The following XKR6 variants were observed in gnomAD, a reference collection of about 807,000 sequenced individuals.
XKR6 encodes XK-related protein 6.
A neutral mutation model predicts 56.7 loss-of-function variants in XKR6; 22 were observed. The observed-to-expected ratio is 0.39, with a 90% CI of 0.28 to 0.55. XKR6 has a LOEUF of 0.55. XKR6 is among the 20% of genes least tolerant of loss of function. XKR6 has a pLI of 0.66. For synonymous variants in XKR6, 524 were observed against 387.8 expected, an observed-to-expected ratio of 1.35 and a Z score of -4.13; for missense variants, 852 against 889.0, an observed-to-expected ratio of 0.96 and a Z score of 0.53.
At chr8:11,137,451 A>G in intron 1 of XKR6, 1 of 413,012 alleles carries the variant, frequency 2.4e-6, no homozygotes, top group Non-Finnish European at 4.8e-6. Context: ...ACAGTCCCTT[A>G]CATCTTCAGC....
chr8:11,058,245 T>C (rs900293576), intron 1 of XKR6, among the ~76,000 whole-genome samples: 2 of 152,126 alleles, frequency 1.3e-5, no homozygotes, highest in Admixed American at 1.3e-4. Context: ...GAAAGGAATG[T>C]AATTGTGGAA....
chr8:10,955,657 G>A (rs984987775), intron 1 of XKR6, among the ~76,000 whole-genome samples: 5 of 152,216 alleles, frequency 3.3e-5, no homozygotes, highest in African/African-American at 1.2e-4. Flanking sequence ...GCAGAGCTGG[G>A]AGGTGAACCC....
intron 1 of XKR6, among the ~76,000 whole-genome samples, chr8:11,184,896 G>T (rs1803187516): frequency 6.6e-6 from 1 of 152,050 alleles, no homozygotes. Flanking sequence ...AAACCAAATA[G>T]AATTCCATAT....
chr8:11,062,961 C>T (rs1340245986), intron 1 of XKR6: 3 of 402,646 alleles, frequency 7.5e-6, no homozygotes, highest in Non-Finnish European at 1.5e-5. Context: ...TGAAGGACTC[C>T]AGAGCCCCTG....
chr8:11,104,037 T>C (rs1798583857), intron 1 of XKR6, among the ~76,000 whole-genome samples: 1 of 152,250 alleles, frequency 6.6e-6, no homozygotes, highest in Non-Finnish European at 1.5e-5. Flanking sequence ...TTCAGTAATT[T>C]CATTCTTGCT....
At chr8:10,912,395 T>A (rs1285779423) in intron 2 of XKR6, among the ~76,000 whole-genome samples, 1 of 132,742 alleles carries the variant, frequency 7.5e-6, no homozygotes, top group Non-Finnish European at 1.6e-5. Flanking sequence ...TGAGTATACA[T>A]ATATATATAT....
intron 1 of XKR6, among the ~76,000 whole-genome samples, chr8:11,194,196 G>GT (rs1271075983): frequency 6.6e-6 from 1 of 152,156 alleles, no homozygotes; most frequent in Non-Finnish European, 1.5e-5. Context: ...ACAAATACCT[G>GT]TAGCATAATG....
chr8:10,968,169 A>T (rs1194487697), intron 1 of XKR6, among the ~76,000 whole-genome samples: 1 of 152,128 alleles, frequency 6.6e-6, no homozygotes, highest in Non-Finnish European at 1.5e-5. Flanking sequence ...CTGGCCTTGC[A>T]TCCGGTCTGT....
chr8:11,045,075 C>CTT (rs5889356), intron 1 of XKR6, among the ~76,000 whole-genome samples: 409 of 36,056 alleles, frequency 0.011, 101 homozygotes, highest in South Asian at 0.024. Flanking sequence ...TCAAATCACT[C>CTT]TTTTTTTTTT....
At chr8:11,073,828 G>A (rs947485967) in intron 1 of XKR6, among the ~76,000 whole-genome samples, 2 of 152,230 alleles carry the variant, frequency 1.3e-5, no homozygotes, top group African/African-American at 4.8e-5. Context: ...ACCCATTCCA[G>A]AATAAAGCGA....
chr8:11,010,473 C>A (rs1466155301), intron 1 of XKR6, among the ~76,000 whole-genome samples: 1 of 152,194 alleles, frequency 6.6e-6, no homozygotes, highest in Non-Finnish European at 1.5e-5. Context: ...GACAACAGTA[C>A]CTGCCTCATG....
chr8:10,923,877 A>C (rs1800797433), intron 2 of XKR6, among the ~76,000 whole-genome samples: 1 of 152,208 alleles, frequency 6.6e-6, no homozygotes, highest in Admixed American at 6.5e-5. Context: ...CTCTGCAGTC[A>C]GGAACTTCTG....
chr8:10,986,481 A>G (rs1032605008), intron 1 of XKR6, among the ~76,000 whole-genome samples: 3 of 152,174 alleles, frequency 2.0e-5, no homozygotes, highest in African/African-American at 7.2e-5. Flanking sequence ...ATACTTCACG[A>G]TCTCAAGGCT....
In XKR6 at chr8:11,153,849, C is replaced by G. The variant is rs1801377985; in HGVS notation, c.764+46727G>C. 3.3e-5 allele frequency among the ~76,000 whole-genome samples: 5 copies of G among 152,274 alleles called. No individual in the cohort carries two copies. In the South Asian group the frequency reaches 1.0e-3, roughly 32 times the overall value. ...ACAGATCCTCATGCTCCTTTCCTCC[C>G]AAATATTTCCAGACTCCAACCACTT... On this transcript the variant is annotated intron_variant, in intron 1 of 2. Coordinates refer to ENST00000416569, the MANE Select transcript of XKR6 (RefSeq NM_173683.4).
intron 1 of XKR6, among the ~76,000 whole-genome samples, chr8:10,999,077 G>C (rs745679496): frequency 6.6e-6 from 1 of 152,142 alleles, no homozygotes; most frequent in Non-Finnish European, 1.5e-5. Flanking sequence ...TTACAAAAAC[G>C]TTTGTTTTCT....
At chr8:10,991,627 A>C (rs1354701968) in intron 1 of XKR6, among the ~76,000 whole-genome samples, 4 of 152,182 alleles carry the variant, frequency 2.6e-5, no homozygotes, top group Non-Finnish European at 5.9e-5. Flanking sequence ...AGTGTAACCC[A>C]GGTTTAAGCA....
intron 1 of XKR6, among the ~76,000 whole-genome samples, chr8:11,008,035 T>C (rs4841475): frequency 0.48 from 72,293 of 151,970 alleles, 21,903 homozygotes; most frequent in African/African-American, 0.86. Flanking sequence ...TTGCTTTTTT[T>C]TGACTGTAGC....
At chr8:10,963,842 T>G (rs1474327362) in intron 1 of XKR6, among the ~76,000 whole-genome samples, 2 of 152,212 alleles carry the variant, frequency 1.3e-5, no homozygotes, top group African/African-American at 4.8e-5. Context: ...AAGAAGGCCC[T>G]TCCTAAGTAG....
In XKR6 at chr8:10,897,864, T is replaced by C. The variant is rs970205606; in HGVS notation, c.*88A>G. 181 of 1,488,120 alleles carry C rather than the reference T, an allele frequency of 1.2e-4. No individual in the cohort carries two copies. The highest frequency in any genetic ancestry group is 1.6e-4 in the Non-Finnish European group (178 of 1,122,152). The allele number at this position is 1,488,120 out of a possible 1,614,324, so 92.2% of individuals were successfully genotyped here. ...GTGGTGGTGGCGGTGGTTCTGTGTA[T>C]TGGGGGAAGGGAGGGTTATATTTCT... On this transcript the variant is annotated 3_prime_UTR_variant, in exon 3 of 3. Coordinates refer to ENST00000416569, the MANE Select transcript of XKR6 (RefSeq NM_173683.4).
Sources: gnomAD v4.1 joint callset for allele counts (sites outside exome capture counted in the v4.1 genomes callset) on GRCh38, gnomAD v4.1.1 for gene constraint, MANE v1.5 for transcripts, NCBI Gene and HGNC (gene_info 2026-07-23, HGNC 2026-07-21) for gene names.